The following DDR1 variants were observed in gnomAD, a reference collection of about 807,000 sequenced individuals.
The protein encoded by DDR1 is epithelial discoidin domain-containing receptor 1.
Under a neutral mutation model 97.4 loss-of-function variants are expected in DDR1, and 64 were observed. That is an observed-to-expected ratio of 0.66 (90% CI 0.54 to 0.81). The LOEUF is 0.81. Among genes scored for constraint, DDR1 ranks in the 30% least tolerant of loss-of-function variants. The probability of loss-of-function intolerance (pLI) is 0.00; values close to 1 mark genes in which losing one functional copy is unlikely to be tolerated. For synonymous variants in DDR1, 458 were observed against 503.7 expected (o/e 0.91, Z 1.21); for missense variants, 990 against 1,259.6 (o/e 0.79, Z 3.24).
intron 8 of DDR1, chr6:30,892,759 A>G (rs898005917): frequency 1.1e-4 from 68 of 619,926 alleles, no homozygotes; most frequent in Non-Finnish European, 1.7e-4. Context: ...GCCCGTGACT[A>G]TTATTGAGCC....
intron 12 of DDR1, among the ~76,000 whole-genome samples, chr6:30,896,155 G>A (rs934220503): frequency 2.0e-5 from 3 of 151,512 alleles, no homozygotes; most frequent in Non-Finnish European, 4.4e-5. Context: ...GGGTTGGGAG[G>A]GCTTGGCCCC....
In DDR1 at chr6:30,899,162, C is replaced by T. The variant is rs2150481113; in HGVS notation, c.2608C>T (p.Leu870=). 6.2e-7 allele frequency: 1 copy of T among 1,614,194 alleles called. No individual in the cohort carries two copies. Among genetic ancestry groups the T allele is most frequent in the Non-Finnish European group, 8.5e-7 (1 of 1,180,022 alleles). Residue 870 remains leucine (L), a synonymous_variant, in exon 18 of 18, where the codon CTG becomes TTG. Coordinates refer to ENST00000376568, the MANE Select transcript of DDR1 (RefSeq NM_001297654.2). The part of the protein sequence containing the change: ...FFRDQGRQVY[L]SRPPACPQGL... ...CCACACTGCCACAATGCAGGTGTACCTGTCCCGGCCGCCTGCCTGCCCGCA... is the reference window on the plus strand; with the variant it reads ...CCACACTGCCACAATGCAGGTGTACTTGTCCCGGCCGCCTGCCTGCCCGCA...
chr6:30,887,185 A>G (rs1786162832), intron 1 of DDR1: 1 of 152,224 alleles, frequency 6.6e-6, no homozygotes, highest in Non-Finnish European at 1.5e-5. Flanking sequence ...GTGGGAGGGC[A>G]GCAGGGTGAG....
rs781123797 is a variant in DDR1, at chr6:30,900,070, AT to A, written c.*779del. 9 of 596,768 alleles carry A rather than the reference AT, an allele frequency of 1.5e-5. No individual in the cohort carries two copies. Among genetic ancestry groups the A allele is most frequent in the Admixed American group, 1.1e-4 (6 of 53,966 alleles). 37.0% of individuals were successfully genotyped at this position (596,768 alleles called of 1,614,324 possible). On this transcript the variant is annotated 3_prime_UTR_variant, in exon 18 of 18. Transcript: ENST00000376568. ...TACATTTTTGGGGGGAGAGACACAG[AT>A]TTTTACACTAATATATGGACCTAGC...
Position 30,891,990 on chromosome 6 carries a change from C to T in DDR1, c.666-12C>T. ...CTTCCAACCTCCTCTTCCTTGGTCC[C>T]CTCTTCTCCAGACTGCAGTATGGGG... On this transcript the variant is annotated splice_polypyrimidine_tract_variant and intron_variant, in intron 6 of 17. Transcript: ENST00000376568. The surrounding 1 kb of genome is among the most constrained non-coding windows in gnomAD (Gnocchi z 5.3). The T allele has an allele frequency of 1.2e-6, 2 of 1,613,698 alleles. No homozygotes were observed. Among genetic ancestry groups the T allele is most frequent in the Non-Finnish European group, 1.7e-6 (2 of 1,179,834 alleles).
In DDR1 at chr6:30,892,524, G is replaced by A. The variant is rs147485952; in HGVS notation, c.1081G>A (p.Glu361Lys). Residue 361 changes from glutamate (E) to lysine (K), a missense_variant, in exon 8 of 18, where the codon GAA becomes AAA. Transcript: ENST00000376568. ...LFAGPWLLFS[E>K]ISFISDVVNN... ...TGCGGGGCCCTGGTTACTCTTCAGC[G>A]AAATCTCCTTCATCTCTGGTAAGCC... is the stretch of plus-strand genomic sequence containing the variant. The A allele has an allele frequency of 2.5e-6, 4 of 1,595,366 alleles. No homozygotes were observed. Among genetic ancestry groups the A allele is most frequent in the Non-Finnish European group, 3.4e-6 (4 of 1,169,424 alleles).
At position 30,899,023 on chromosome 6, in the gene DDR1, G is replaced by T; in HGVS notation, c.2587G>T (p.Asp863Tyr). The T allele has an allele frequency of 6.2e-7, 1 of 1,614,142 alleles. No homozygotes were observed. The highest frequency in any genetic ancestry group is 8.5e-7 in the Non-Finnish European group (1 of 1,180,012). The change falls in exon 17 of 18, where the codon GAC becomes TAC. Residue 863 changes from aspartate (D) to tyrosine (Y), a missense_variant. Coordinates refer to ENST00000376568, the MANE Select transcript of DDR1 (RefSeq NM_001297654.2). The part of the protein sequence containing the change: ...VIENAGEFFR[D>Y]QGRQVYLSRP... The stretch of plus-strand genomic sequence containing the variant: ...CGAGAACGCGGGGGAGTTCTTCCGG[G>T]ACCAGGGCCGGCAGGTCAGAGTGGA...
chr6:30,899,104 G>T, intron 17 of DDR1, 52 bp from the exon 18 acceptor site: 1 of 1,614,146 alleles, frequency 6.2e-7, no homozygotes, highest in Non-Finnish European at 8.5e-7. Context: ...TGTCATCTTG[G>T]AGACTAAAGA....
chr6:30,891,128 G>A lies in DDR1; in HGVS notation c.565+8G>A. 2 of 1,612,720 alleles carry A rather than the reference G, an allele frequency of 1.2e-6. No individual in the cohort carries two copies. Among genetic ancestry groups the A allele is most frequent in the Non-Finnish European group, 1.7e-6 (2 of 1,179,946 alleles). On this transcript the variant is annotated splice_region_variant and intron_variant, in intron 5 of 17. Transcript: ENST00000376568. The surrounding 1 kb of genome is among the most constrained non-coding windows in gnomAD (Gnocchi z 5.3). ...ATGGCTGCCTCTGGAGGGGTGAGTG[G>A]CTCAGCTTCCTGGGAATCTGTTTCC...
Position 30,891,956 on chromosome 6 carries a change from C to A in DDR1, c.666-46C>A. The A allele has an allele frequency of 6.2e-7, 1 of 1,604,002 alleles. No homozygotes were observed. The highest frequency in any genetic ancestry group is 8.5e-7 in the Non-Finnish European group (1 of 1,172,690). On this transcript the variant is annotated intron_variant, in intron 6 of 17. Coordinates refer to ENST00000376568, the MANE Select transcript of DDR1 (RefSeq NM_001297654.2). The surrounding 1 kb of genome is among the most constrained non-coding windows in gnomAD (Gnocchi z 5.3). ...GGAGCAGAATGCCTGGATGTCAAGACCCTCTTCCCTTCCAACCTCCTCTTC... is the reference window on the plus strand; with the variant it reads ...GGAGCAGAATGCCTGGATGTCAAGAACCTCTTCCCTTCCAACCTCCTCTTC...
Position 30,899,965 on chromosome 6 carries a change from G to A in DDR1, c.*669G>A. The A allele has an allele frequency of 1.8e-6, 1 of 569,106 alleles. No homozygotes were observed. The highest frequency in any genetic ancestry group is 3.4e-6 in the Non-Finnish European group (1 of 293,794). 35.3% of individuals were successfully genotyped at this position (569,106 alleles called of 1,614,324 possible). A position where few individuals can be genotyped will look rare whatever the true frequency, so the allele number is the denominator to read the frequency against. On this transcript the variant is annotated 3_prime_UTR_variant, in exon 18 of 18. Transcript: ENST00000376568. ...AATATTGGGATTGGGGGGAAAGAGG[G>A]AGCAACGGCCCATAGCCTTGGGGTT...
At chr6:30,885,998 T>C (rs1445369483) in intron 1 of DDR1, among the ~76,000 whole-genome samples, 2 of 152,094 alleles carry the variant, frequency 1.3e-5, no homozygotes, top group Non-Finnish European at 2.9e-5. Context: ...TTGTCCTCTC[T>C]TGCCCTCTGG....
chr6:30,890,706 A>G lies in DDR1; in HGVS notation c.418-267A>G. 1 of 448,470 alleles carries G rather than the reference A, an allele frequency of 2.2e-6. No individual in the cohort carries two copies. Among genetic ancestry groups the G allele is most frequent in the South Asian group, 5.3e-5 (1 of 18,910 alleles). 27.8% of individuals were successfully genotyped at this position (448,470 alleles called of 1,614,324 possible). On this transcript the variant is annotated intron_variant, in intron 4 of 17. Transcript: ENST00000376568. The surrounding 1 kb of genome is among the most constrained non-coding windows in gnomAD (Gnocchi z 5.0). ...ACAATGGGATGATAGGCTTGGAGAC[A>G]AATGGATGGAGCCAGGCAAGGAGAA...
Position 30,889,392 on chromosome 6 carries a change from C to A in DDR1, c.379C>A (p.Arg127Ser), listed in dbSNP as rs1260074565. 1 of 1,590,816 alleles carries A rather than the reference C, an allele frequency of 6.3e-7. No individual in the cohort carries two copies. The highest frequency in any genetic ancestry group is 8.6e-7 in the Non-Finnish European group (1 of 1,168,572). ...CCGGCTGCGTTACTCCCGGGATGGT[C>A]GCCGCTGGATGGGCTGGAAGGACCG... Reference protein sequence around the residue: ...SYRLRYSRDGRRWMGWKDRWG... With the variant: ...SYRLRYSRDGSRWMGWKDRWG... Residue 127 changes from arginine (R) to serine (S), a missense_variant, in exon 4 of 18, where the codon CGC (arginine) becomes AGC (serine). Transcript: ENST00000376568. This position sits in a 1 kb window ranked among gnomAD's most constrained non-coding sequence, Gnocchi z 4.9.
Position 30,889,146 on chromosome 6 carries a change from T to C in DDR1, c.189-56T>C. On this transcript the variant is annotated intron_variant, in intron 3 of 17. Coordinates refer to ENST00000376568, the MANE Select transcript of DDR1 (RefSeq NM_001297654.2). The surrounding 1 kb of genome is among the most constrained non-coding windows in gnomAD (Gnocchi z 4.9). ...GGCAAATGAAGTGGGGTTTAAATAC[T>C]GGAGATGGAGGCAGACCTGGGGCCA... 2 of 1,597,122 alleles carry C rather than the reference T, an allele frequency of 1.3e-6. No individual in the cohort carries two copies. The highest frequency in any genetic ancestry group is 1.7e-6 in the Non-Finnish European group (2 of 1,166,164).
At chr6:30,895,061 G>A (rs976772461) in intron 11 of DDR1, among the ~76,000 whole-genome samples, 1 of 151,868 alleles carries the variant, frequency 6.6e-6, no homozygotes, top group African/African-American at 2.4e-5. Context: ...TCCATCATCT[G>A]TCTTTCTATC....
In DDR1 at chr6:30,899,869, C is replaced by T; in HGVS notation, c.*573C>T. ...CTGGGGGTAGCCCCGCCCCAGCCCT[C>T]AGTCACCCCCACTTCCCACTTGCAG... On this transcript the variant is annotated 3_prime_UTR_variant, in exon 18 of 18. Transcript: ENST00000376568. 2.3e-6 allele frequency: 1 copy of T among 442,872 alleles called. No homozygotes were observed. The highest frequency in any genetic ancestry group is 2.0e-5 in the African/African-American group (1 of 50,476). 27.4% of individuals were successfully genotyped at this position (442,872 alleles called of 1,614,324 possible).
rs767333503 is a variant in DDR1 at position 30,891,980 on chromosome 6, TC to T, written c.666-20del. ...ACCCTCTTCCCTTCCAACCTCCTCT[TC>T]CTTGGTCCCCTCTTCTCCAGACTGC... On this transcript the variant is annotated intron_variant, in intron 6 of 17. Transcript: ENST00000376568. The surrounding 1 kb of genome is among the most constrained non-coding windows in gnomAD (Gnocchi z 5.3). 1 of 1,612,922 alleles carries T rather than the reference TC, an allele frequency of 6.2e-7. No individual in the cohort carries two copies. The highest frequency in any genetic ancestry group is 8.5e-7 in the Non-Finnish European group (1 of 1,179,414).
Position 30,892,116 on chromosome 6 carries a change from C to T in DDR1, c.780C>T (p.Asn260=). Residue 260 remains asparagine (N), a synonymous_variant, in exon 7 of 18, where the codon AAC becomes AAT. Coordinates refer to ENST00000376568, the MANE Select transcript of DDR1 (RefSeq NM_001297654.2). ...GCTATGACTATGTGGGATGGAGCAA[C>T]CACAGCTTCTCCAGTGGCTATGTGG... ...WPGYDYVGWS[N]HSFSSGYVEM... The T allele has an allele frequency of 6.2e-7, 1 of 1,614,180 alleles. No individual in the cohort carries two copies. Among genetic ancestry groups the T allele is most frequent in the Non-Finnish European group, 8.5e-7 (1 of 1,180,022 alleles).
Sources: allele counts gnomAD v4.1 joint callset (sites outside exome capture counted in the v4.1 genomes callset), GRCh38; gene constraint gnomAD v4.1.1; non-coding constraint Gnocchi (gnomAD v3.1); transcripts MANE v1.5; gene names NCBI Gene and HGNC (gene_info 2026-07-23, HGNC 2026-07-21).